Variants in FILIP1L observed in about 807,000 individuals in gnomAD.
FILIP1L encodes the protein filamin A-interacting protein 1-like.
In FILIP1L, 55 loss-of-function variants were observed where a neutral mutation model predicts 96.6. The observed-to-expected ratio is 0.57, with a 90% confidence interval of 0.46 to 0.71. The LOEUF is 0.71. Ranked by LOEUF, FILIP1L falls within the 30% of genes least tolerant of loss-of-function variation. The pLI, the probability that FILIP1L is intolerant of heterozygous loss-of-function variation, is 0.00. For missense variants in FILIP1L, 1,304 were observed against 1,321.2 expected, an observed-to-expected ratio of 0.99 and a Z score of 0.20; for synonymous variants, 467 against 473.9, an observed-to-expected ratio of 0.99 and a Z score of 0.19.
intron 1 of FILIP1L, among the ~76,000 whole-genome samples, chr3:99,943,029 C>G (rs1292296535): frequency 6.6e-6 from 1 of 152,116 alleles, no homozygotes; most frequent in African/African-American, 2.4e-5. Context: ...CTCATTTTAA[C>G]AACATTACCA....
chr3:100,014,808 T>A (rs1003900289), intron 1 of FILIP1L, among the ~76,000 whole-genome samples: 16 of 113,752 alleles, frequency 1.4e-4, no homozygotes, highest in African/African-American at 5.7e-4. Context: ...ATTCTATTGA[T>A]TTTTTTTTTT....
chr3:100,041,319 A>G (rs981431521), intron 1 of FILIP1L: 10 of 152,184 alleles, frequency 6.6e-5, no homozygotes, highest in Non-Finnish European at 2.9e-5. Context: ...TGGAAACTCT[A>G]TGACATCCTA....
intron 1 of FILIP1L, among the ~76,000 whole-genome samples, chr3:100,096,006 C>A (rs1258295818): frequency 6.6e-6 from 1 of 152,098 alleles, no homozygotes; most frequent in Non-Finnish European, 1.5e-5. Context: ...AGATGACAAA[C>A]AGGCATATGA....
At chr3:99,930,425 TG>T (rs1707440630) in intron 2 of FILIP1L, among the ~76,000 whole-genome samples, 1 of 152,174 alleles carries the variant, frequency 6.6e-6, no homozygotes. Flanking sequence ...CCAGTTCACT[TG>T]GGGTACAAAA....
intron 1 of FILIP1L, among the ~76,000 whole-genome samples, chr3:100,000,693 C>T (rs1017547361): frequency 3.9e-5 from 6 of 152,154 alleles, no homozygotes; most frequent in Admixed American, 6.5e-5. Flanking sequence ...CCAACCTGGG[C>T]GATAGCGCAA....
chr3:99,934,949 A>G (rs947008905), intron 1 of FILIP1L, among the ~76,000 whole-genome samples: 2 of 152,208 alleles, frequency 1.3e-5, no homozygotes, highest in African/African-American at 4.8e-5. Flanking sequence ...TGGTGTTCAC[A>G]TTGGATTTGT....
At chr3:100,015,775 A>G (rs768993151) in intron 1 of FILIP1L, among the ~76,000 whole-genome samples, 13 of 152,214 alleles carry the variant, frequency 8.5e-5, no homozygotes, top group Non-Finnish European at 1.6e-4. Flanking sequence ...TGGTACACAG[A>G]AGGCACTCAC....
At chr3:99,844,085 C>T (rs1252781540) in intron 5 of FILIP1L, among the ~76,000 whole-genome samples, 1 of 151,812 alleles carries the variant, frequency 6.6e-6, no homozygotes, top group South Asian at 2.1e-4. Flanking sequence ...TGTTTACCCT[C>T]ATGATTGTGT....
intron 4 of FILIP1L, among the ~76,000 whole-genome samples, chr3:99,888,797 A>G (rs1349386662): frequency 6.6e-6 from 1 of 152,152 alleles, no homozygotes; most frequent in East Asian, 1.9e-4. Flanking sequence ...TGTTTCATAA[A>G]TTTCCTTGCA....
At chr3:99,908,816 A>AT (rs1706702380) in intron 4 of FILIP1L, among the ~76,000 whole-genome samples, 1 of 152,140 alleles carries the variant, frequency 6.6e-6, no homozygotes. Context: ...CTTTCTTTGT[A>AT]TTTTTTGTAT....
chr3:99,905,608 A>G (rs1052477612), intron 4 of FILIP1L, among the ~76,000 whole-genome samples: 3 of 152,192 alleles, frequency 2.0e-5, no homozygotes, highest in Non-Finnish European at 4.4e-5. Flanking sequence ...ATACACTTTT[A>G]CATATGTGTG....
chr3:99,991,977 T>C (rs1012062823), intron 1 of FILIP1L, among the ~76,000 whole-genome samples: 1 of 149,930 alleles, frequency 6.7e-6, no homozygotes, highest in African/African-American at 2.4e-5. Flanking sequence ...TATACACACA[T>C]ATATGTGTAT....
At chr3:100,015,869 G>T (rs372429424) in intron 1 of FILIP1L, among the ~76,000 whole-genome samples, 1 of 152,096 alleles carries the variant, frequency 6.6e-6, no homozygotes, top group Non-Finnish European at 1.5e-5. Flanking sequence ...ATAATGAGGC[G>T]ATGTATATAT....
intron 1 of FILIP1L, among the ~76,000 whole-genome samples, chr3:100,006,059 G>A (rs1414473465): frequency 6.6e-6 from 1 of 152,150 alleles, no homozygotes; most frequent in Admixed American, 6.5e-5. Context: ...GAGGTTTCTG[G>A]AAAGCCCTAA....
At chr3:99,991,509 T>C (rs1365443019) in intron 1 of FILIP1L, among the ~76,000 whole-genome samples, 1 of 152,116 alleles carries the variant, frequency 6.6e-6, no homozygotes, top group Non-Finnish European at 1.5e-5. Context: ...CATGCATATA[T>C]TGCATCATGG....
intron 4 of FILIP1L, among the ~76,000 whole-genome samples, chr3:99,865,125 G>A (rs1180638987): frequency 6.6e-6 from 1 of 152,094 alleles, no homozygotes; most frequent in African/African-American, 2.4e-5. Context: ...TATAGTCTAG[G>A]AATAACAGCT....
intron 1 of FILIP1L, among the ~76,000 whole-genome samples, chr3:100,106,731 G>C (rs1460686423): frequency 6.6e-6 from 1 of 152,118 alleles, no homozygotes; most frequent in African/African-American, 2.4e-5. Flanking sequence ...CTTTAGATGA[G>C]TTATACCCCA....
At chr3:99,831,305 A>G (rs116551801) in intron 5 of FILIP1L, among the ~76,000 whole-genome samples, 2,402 of 152,294 alleles carry the variant, frequency 0.016, 58 homozygotes, top group African/African-American at 0.054. Context: ...TGCTTTAATT[A>G]TTTACATGTG....
chr3:99,903,860 G>A (rs1404541850), intron 4 of FILIP1L, among the ~76,000 whole-genome samples: 2 of 152,006 alleles, frequency 1.3e-5, no homozygotes, highest in East Asian at 3.9e-4. Context: ...AGAAATAATA[G>A]AGCTGTCGTC....
Sources: allele counts gnomAD v4.1 joint callset (sites outside exome capture counted in the v4.1 genomes callset), GRCh38; gene constraint gnomAD v4.1.1; transcripts MANE v1.5; gene names NCBI Gene and HGNC (gene_info 2026-07-23, HGNC 2026-07-21).